Variants in AFF1 observed in about 807,000 individuals in gnomAD.
AFF1 encodes the protein AF4/FMR2 family member 1.
AFF1 carries 48 observed loss-of-function variants against 121.7 expected under a neutral mutation model. The ratio of observed to expected loss-of-function variants is 0.39; its 90% CI spans 0.31 to 0.50. The LOEUF (loss-of-function observed/expected upper bound fraction) is 0.50. AFF1 is among the 20% of genes least tolerant of loss of function. The pLI is 0.76. For missense variants in AFF1, 1,523 were observed against 1,511.7 expected (o/e 1.01, Z -0.12); for synonymous variants, 613 against 563.0 (o/e 1.09, Z -1.26).
At position 86,976,048 on chromosome 4, in the gene AFF1, G is replaced by A. The variant is rs529011071; in HGVS notation, c.38+27477G>A. Among the ~76,000 whole-genome samples, 26 of 152,270 alleles carry A rather than the reference G, an allele frequency of 1.7e-4. No homozygotes were observed. In the South Asian group the frequency reaches 5.4e-3, roughly 32 times the overall value. On this transcript the variant is annotated intron_variant, in intron 2 of 20. Transcript: ENST00000395146. ...TACGAGAAGAAGTGTAAATGTAAAT[G>A]AATGGTTATAATACAGTGTGTTAAG...
intron 4 of AFF1, among the ~76,000 whole-genome samples, chr4:87,048,522 T>TA (rs1730952741): frequency 6.6e-6 from 1 of 152,246 alleles, no homozygotes; most frequent in Non-Finnish European, 1.5e-5. Context: ...ATGGTTTAGT[T>TA]ACATCTATTG....
chr4:87,000,870 A>T (rs1025514924), intron 2 of AFF1, among the ~76,000 whole-genome samples: 4 of 152,178 alleles, frequency 2.6e-5, no homozygotes, highest in Non-Finnish European at 4.4e-5. Flanking sequence ...TTTTGCTTGT[A>T]TACCTCCTAC....
At chr4:86,949,560 G>A (rs1472271425) in intron 2 of AFF1, 17 of 530,706 alleles carry the variant, frequency 3.2e-5, no homozygotes, top group Admixed American at 5.5e-5. Flanking sequence ...TTTTTTTCCC[G>A]ACTGGGGCAG....
intron 2 of AFF1, among the ~76,000 whole-genome samples, chr4:86,957,457 A>G (rs1436597505): frequency 6.6e-6 from 1 of 152,248 alleles, no homozygotes; most frequent in Non-Finnish European, 1.5e-5. Flanking sequence ...TGGAGAAAGC[A>G]AAAGCCTGGA....
At chr4:87,027,338 A>ATG (rs1553919219) in intron 2 of AFF1, among the ~76,000 whole-genome samples, 2 of 152,250 alleles carry the variant, frequency 1.3e-5, no homozygotes, top group Non-Finnish European at 2.9e-5. Flanking sequence ...ACGGATACAC[A>ATG]TGTAACATGC....
chr4:86,936,474 T>C (rs1452040625), intron 1 of AFF1: 1 of 152,216 alleles, frequency 6.6e-6, no homozygotes, highest in Non-Finnish European at 1.5e-5. Flanking sequence ...GTGCGGTGTG[T>C]GTAGAAGGTA....
In AFF1 at chr4:87,007,422, A is replaced by G. The variant is rs1191588172; in HGVS notation, c.39-38744A>G. 6 of 1,614,100 alleles carry G rather than the reference A, an allele frequency of 3.7e-6. No homozygotes were observed. The South Asian group carries it at 6.6e-5, about 18-fold the overall frequency. ...TAAGCTGAATTATGGCAGCCCAGTC[A>G]AGGTAAGCCGTGCACCGGAGAAACT... On this transcript the variant is annotated intron_variant, in intron 2 of 20. Transcript: ENST00000395146.
At chr4:87,099,524 TTAGCCTCTCGAG>T (rs1317782273) in intron 8 of AFF1, among the ~76,000 whole-genome samples, 1 of 152,346 alleles carries the variant, frequency 6.6e-6, no homozygotes, top group East Asian at 1.9e-4. Flanking sequence ...TCCTCCCACC[TTAGCCTCTCGAG>T]TAGCTGGGAC....
chr4:87,104,430 A>T (rs1158316024), intron 8 of AFF1, among the ~76,000 whole-genome samples: 1 of 152,038 alleles, frequency 6.6e-6, no homozygotes, highest in African/African-American at 2.4e-5. Context: ...CTGTTAGATA[A>T]ATATTGAGCA....
rs1457794246 is a variant in AFF1 at position 87,032,265 on chromosome 4, A to T, written c.39-13901A>T. On this transcript the variant is annotated intron_variant, in intron 2 of 20. Coordinates refer to ENST00000395146, the MANE Select transcript of AFF1 (RefSeq NM_001166693.3). ...TTGTTACCATATAAAATACCAATAG[A>T]TGTTTCCAGCTTTCTTCTCCTATAA... Among the ~76,000 whole-genome samples, 5 of 152,230 alleles carry T rather than the reference A, an allele frequency of 3.3e-5. No homozygotes were observed. In the East Asian group the frequency reaches 9.6e-4, roughly 29 times the overall value.
chr4:87,049,472 C>T (rs1264646050), intron 4 of AFF1, among the ~76,000 whole-genome samples: 1 of 152,132 alleles, frequency 6.6e-6, no homozygotes, highest in African/African-American at 2.4e-5. Context: ...TGTCTTAAAA[C>T]CCCTTATATT....
Position 87,041,243 on chromosome 4 carries a change from GGTT to G in AFF1, c.39-4917_39-4915del, listed in dbSNP as rs1560565739. 3.3e-5 allele frequency among the ~76,000 whole-genome samples: 5 copies of G among 152,242 alleles called. No individual in the cohort carries two copies. In the South Asian group the frequency reaches 1.0e-3, roughly 32 times the overall value. ...GGGGTTAATAATCCCACTCTCACAG[GGTT>G]GTTGTGAAAATTAAATAGAAAACTG... On this transcript the variant is annotated intron_variant, in intron 2 of 20. Coordinates refer to ENST00000395146, the MANE Select transcript of AFF1 (RefSeq NM_001166693.3).
intron 2 of AFF1, among the ~76,000 whole-genome samples, chr4:87,003,480 C>T (rs1368519989): frequency 2.6e-5 from 4 of 152,138 alleles, no homozygotes; most frequent in East Asian, 3.9e-4. Context: ...TGTCAAATTC[C>T]TGCCCTCAAG....
At chr4:86,968,897 A>C (rs1722719289) in intron 2 of AFF1, among the ~76,000 whole-genome samples, 2 of 152,210 alleles carry the variant, frequency 1.3e-5, no homozygotes, top group South Asian at 4.1e-4. Context: ...TAAGGGAAAA[A>C]AGGAGCAGAA....
chr4:87,082,806 C>T (rs1324290485), intron 4 of AFF1, among the ~76,000 whole-genome samples: 2 of 152,100 alleles, frequency 1.3e-5, no homozygotes, highest in Admixed American at 1.3e-4. Context: ...TTTCTTCATC[C>T]ATGGAGTGAA....
At chr4:86,989,005 C>A (rs887762993) in intron 2 of AFF1, among the ~76,000 whole-genome samples, 1 of 152,112 alleles carries the variant, frequency 6.6e-6, no homozygotes, top group Non-Finnish European at 1.5e-5. Flanking sequence ...TGAAACTGGA[C>A]CCCTTCCTTA....
rs947172146 is a variant in AFF1, at chr4:87,007,363, G to T, written c.39-38803G>T. The T allele has an allele frequency of 5.6e-6, 9 of 1,612,986 alleles. No individual in the cohort carries two copies. In the African/African-American group the frequency reaches 1.2e-4, roughly 22 times the overall value. Reference sequence around the variant, plus strand: ...GCGCTGGCAGCAGGGCCCGCGGGGTGAAGGCGCTCATGGACGGAAGACCCC... The same window carrying T: ...GCGCTGGCAGCAGGGCCCGCGGGGTTAAGGCGCTCATGGACGGAAGACCCC... On this transcript the variant is annotated intron_variant, in intron 2 of 20. Transcript: ENST00000395146.
intron 12 of AFF1, among the ~76,000 whole-genome samples, chr4:87,122,730 TTAG>T (rs1303615318): frequency 1.3e-5 from 2 of 152,078 alleles, no homozygotes; most frequent in Non-Finnish European, 2.9e-5. Flanking sequence ...GCTAATCTGA[TTAG>T]TAGTTCAGAA....
chr4:87,080,795 T>G (rs565625699), intron 4 of AFF1, among the ~76,000 whole-genome samples: 1 of 152,300 alleles, frequency 6.6e-6, no homozygotes, highest in South Asian at 2.1e-4. Context: ...TGTAGATCTT[T>G]CCCTGTAAAC....
Sources: allele counts gnomAD v4.1 joint callset (sites outside exome capture counted in the v4.1 genomes callset), GRCh38; gene constraint gnomAD v4.1.1; transcripts MANE v1.5; gene names NCBI Gene and HGNC (gene_info 2026-07-23, HGNC 2026-07-21).